Variants in TECTB observed in about 807,000 individuals in gnomAD.
TECTB encodes the protein tectorin beta, also known as beta-tectorin.
A neutral mutation model predicts 43.3 loss-of-function variants in TECTB; 45 were observed. The ratio of observed to expected loss-of-function variants is 1.04; its 90% CI spans 0.82 to 1.33. The LOEUF (loss-of-function observed/expected upper bound fraction) is 1.33. Among genes scored for constraint, TECTB ranks in the 40% most tolerant of loss-of-function variants. The probability of loss-of-function intolerance (pLI) is 0.00; values close to 1 mark genes in which losing one functional copy is unlikely to be tolerated. For synonymous variants in TECTB, 169 were observed against 156.7 expected (o/e 1.08, Z -0.59); for missense variants, 399 against 404.7 (o/e 0.99, Z 0.12).
intron 7 of TECTB, among the ~76,000 whole-genome samples, chr10:112,296,160 C>T (rs1204832917): frequency 6.6e-6 from 1 of 151,686 alleles, no homozygotes; most frequent in Non-Finnish European, 1.5e-5. Flanking sequence ...CACTGGGCCC[C>T]TTTGGAAAAA....
Position 112,284,533 on chromosome 10 carries a change from A to C in TECTB, c.77-2A>C. 6.2e-7 allele frequency: 1 copy of C among 1,604,146 alleles called. No homozygotes were observed. The highest frequency in any genetic ancestry group is 8.5e-7 in the Non-Finnish European group (1 of 1,174,358). ...TTTAAACTATATGTGTGCTCTTTCC[A>C]GATGTCATTCTTGTGTTTTGCTATC... On this transcript the variant is annotated splice_acceptor_variant, in intron 2 of 10. Transcript: ENST00000646139. LOFTEE classifies it high-confidence loss of function.
chr10:112,296,449 C>T (rs901940230), intron 7 of TECTB, among the ~76,000 whole-genome samples: 3 of 152,142 alleles, frequency 2.0e-5, no homozygotes, highest in Non-Finnish European at 4.4e-5. Context: ...CACCCCCTGA[C>T]AAAGCTCTGC....
chr10:112,283,529 A>G (rs1374244084), intron 1 of TECTB, 33 bp downstream of exon 1: 5 of 572,540 alleles, frequency 8.7e-6, no homozygotes, highest in Non-Finnish European at 1.5e-5. Flanking sequence ...CTCAGCGCTA[A>G]CAGGAAACAA....
intron 7 of TECTB, among the ~76,000 whole-genome samples, chr10:112,296,169 A>G (rs1848545180): frequency 6.6e-6 from 1 of 152,200 alleles, no homozygotes; most frequent in Non-Finnish European, 1.5e-5. Context: ...CCTTTGGAAA[A>G]AAAAAACCCA....
At chr10:112,302,293 G>A (rs1848619009) in intron 10 of TECTB, 160 bp downstream of exon 10, 2 of 771,496 alleles carry the variant, frequency 2.6e-6, no homozygotes, top group Non-Finnish European at 4.1e-6. Flanking sequence ...GAGATCAAGA[G>A]GTCTCCCTCT....
Position 112,283,660 on chromosome 10 carries a change from T to C in TECTB, c.-75T>C, listed in dbSNP as rs1690813666. ...GTTTCTGACTTAGAATGATCGAGGC[T>C]CAGGCCCTGGAAGGACCGTAAACAT... On this transcript the variant is annotated 5_prime_UTR_variant, in exon 2 of 11. Transcript: ENST00000646139. The C allele has an allele frequency of 7.2e-7, 1 of 1,386,178 alleles. No homozygotes were observed. Among genetic ancestry groups the C allele is most frequent in the African/African-American group, 1.4e-5 (1 of 69,754 alleles). The allele number at this position is 1,386,178 out of a possible 1,614,324, so 85.9% of individuals were successfully genotyped here.
chr10:112,300,246 G>T (rs538530046), intron 9 of TECTB, among the ~76,000 whole-genome samples: 6 of 36,034 alleles, frequency 1.7e-4, no homozygotes, highest in African/African-American at 2.7e-4. Context: ...AAGAAAGAAA[G>T]AAAGAAAGAA....
chr10:112,295,024 A>T (rs1257096591), intron 7 of TECTB, among the ~76,000 whole-genome samples: 1 of 152,210 alleles, frequency 6.6e-6, no homozygotes, highest in Non-Finnish European at 1.5e-5. Flanking sequence ...CAGACATGTT[A>T]AGCTTCAAAT....
intron 7 of TECTB, 68 bp from the exon 8 acceptor site, chr10:112,298,001 A>G (rs1055335113): frequency 6.2e-7 from 1 of 1,606,308 alleles, no homozygotes. Flanking sequence ...TTGTGTGTAA[A>G]TCGCTCAGCA....
intron 1 of TECTB, 50 bp from the exon 2 acceptor site, chr10:112,283,598 G>A (rs980151948): frequency 3.4e-5 from 25 of 735,452 alleles, no homozygotes; most frequent in South Asian, 9.8e-5. Flanking sequence ...CTGTATGTGC[G>A]GCTTTGTTCT....
intron 7 of TECTB, among the ~76,000 whole-genome samples, chr10:112,294,689 G>A (rs1052727939): frequency 1.2e-4 from 19 of 152,278 alleles, no homozygotes; most frequent in African/African-American, 4.3e-4. Context: ...GTTTAGAAAC[G>A]TGCATGGAAG....
intron 3 of TECTB, among the ~76,000 whole-genome samples, chr10:112,285,680 AC>A (rs773946038): frequency 2.0e-5 from 3 of 152,198 alleles, no homozygotes; most frequent in Admixed American, 2.0e-4. Context: ...AGAGCAAAGA[AC>A]CAGAAGGGAA....
At chr10:112,284,782 A>T in intron 3 of TECTB, 57 bp downstream of exon 3, 2 of 1,367,476 alleles carry the variant, frequency 1.5e-6, no homozygotes, top group Non-Finnish European at 1.9e-6. Context: ...GGACCCAAGA[A>T]TGAGATGTCT....
In TECTB at chr10:112,293,989, T is replaced by C; in HGVS notation, c.599T>C (p.Val200Ala). The C allele has an allele frequency of 1.2e-6, 2 of 1,614,248 alleles. No homozygotes were observed. The highest frequency in any genetic ancestry group is 8.5e-7 in the Non-Finnish European group (1 of 1,180,030). ...AKGLSIRFKV[V>A]LNSCWATPSA... ...TGTTTTATTTCCAGGTTTAAAGTGG[T>C]CTTGAACAGCTGTTGGGCCACCCCC... The change falls in exon 7 of 11, where the codon GTC (valine) becomes GCC (alanine). Residue 200 changes from valine to alanine, a missense_variant. Coordinates refer to ENST00000646139, the MANE Select transcript of TECTB (RefSeq NM_058222.3).
At chr10:112,299,460 C>T (rs1464220582) in intron 8 of TECTB, 32 bp from the exon 9 acceptor site, 2 of 1,612,434 alleles carry the variant, frequency 1.2e-6, no homozygotes, top group South Asian at 2.2e-5. Context: ...ACCTTCCCCG[C>T]TTCTCTCCTG....
rs768885198 is a variant in TECTB, at chr10:112,293,856, T to C, written c.587+15T>C. 1 of 1,612,908 alleles carries C rather than the reference T, an allele frequency of 6.2e-7. No individual in the cohort carries two copies. Among genetic ancestry groups the C allele is most frequent in the South Asian group, 1.1e-5 (1 of 91,060 alleles). On this transcript the variant is annotated intron_variant, in intron 6 of 10. Coordinates refer to ENST00000646139, the MANE Select transcript of TECTB (RefSeq NM_058222.3). Reference sequence around the variant, plus strand: ...TTAAGCATTAGGTAAGTACATTTCCTCCAAGTTTATATGTTTAAATGCAAA... The same window carrying C: ...TTAAGCATTAGGTAAGTACATTTCCCCCAAGTTTATATGTTTAAATGCAAA...
chr10:112,291,694 C>T (rs986601867), intron 5 of TECTB, among the ~76,000 whole-genome samples: 3 of 152,224 alleles, frequency 2.0e-5, no homozygotes, highest in Non-Finnish European at 2.9e-5. Flanking sequence ...TCTCCTATTA[C>T]ATAAAGTCAC....
intron 5 of TECTB, among the ~76,000 whole-genome samples, chr10:112,292,913 C>A (rs1272024231): frequency 6.6e-6 from 1 of 152,182 alleles, no homozygotes; most frequent in East Asian, 1.9e-4. Flanking sequence ...AAGCATTCTT[C>A]CCTGGATAGC....
In TECTB at chr10:112,294,012, C is replaced by A; in HGVS notation, c.622C>A (p.Pro208Thr). 1 of 1,614,166 alleles carries A rather than the reference C, an allele frequency of 6.2e-7. No individual in the cohort carries two copies. The highest frequency in any genetic ancestry group is 8.5e-7 in the Non-Finnish European group (1 of 1,180,018). The stretch of plus-strand genomic sequence containing the variant: ...GGTCTTGAACAGCTGTTGGGCCACC[C>A]CCTCGGCTGACTTCATGTATCCCTT... ...KVVLNSCWAT[P>T]SADFMYPLQW... The change falls in exon 7 of 11, where the codon CCC (proline) becomes ACC (threonine). Residue 208 changes from proline (P) to threonine (T), a missense_variant. Transcript: ENST00000646139.
Sources: allele counts gnomAD v4.1 joint callset (sites outside exome capture counted in the v4.1 genomes callset), GRCh38; gene constraint gnomAD v4.1.1; transcripts MANE v1.5; gene names NCBI Gene and HGNC (gene_info 2026-07-23, HGNC 2026-07-21).